The following FHIT variants were observed in gnomAD, a reference collection of about 807,000 sequenced individuals.
FHIT encodes the protein fragile histidine triad diadenosine triphosphatase.
A neutral mutation model predicts 17.9 loss-of-function variants in FHIT; 19 were observed. The observed-to-expected ratio is 1.06, with a 90% CI of 0.74 to 1.56. The LOEUF is 1.56. Among genes scored for constraint, FHIT ranks in the 40% most tolerant of loss-of-function variants. FHIT has a pLI of 0.00. For missense variants in FHIT, 248 were observed against 189.2 expected, an observed-to-expected ratio of 1.31 and a Z score of -1.82; for synonymous variants, 81 against 69.7, an observed-to-expected ratio of 1.16 and a Z score of -0.81.
intron 4 of FHIT, among the ~76,000 whole-genome samples, chr3:60,814,060 T>C (rs1701654163): frequency 6.6e-6 from 1 of 152,180 alleles, no homozygotes; most frequent in Admixed American, 6.5e-5. Flanking sequence ...TTTTTTTGAA[T>C]ATTTATTTAT....
chr3:61,084,450 A>G (rs2035243987), intron 2 of FHIT, among the ~76,000 whole-genome samples: 1 of 152,294 alleles, frequency 6.6e-6, no homozygotes, highest in South Asian at 2.1e-4. Context: ...ATTGCATGAA[A>G]TTTAGAGATC....
chr3:60,860,240 G>GGTATACATCATAT (rs1703615792), intron 3 of FHIT, among the ~76,000 whole-genome samples: 2 of 76,756 alleles, frequency 2.6e-5, no homozygotes, highest in African/African-American at 4.8e-5. Context: ...ATGTATATAT[G>GGTATACATCATAT]GTATACATGA....
intron 4 of FHIT, among the ~76,000 whole-genome samples, chr3:60,658,094 T>C (rs1202820663): frequency 6.6e-6 from 1 of 152,118 alleles, no homozygotes; most frequent in Non-Finnish European, 1.5e-5. Context: ...CAACTCTCAA[T>C]TCCTACTTCT....
Position 60,025,216 on chromosome 3 carries a change from G to C in FHIT, c.104-11064C>G, listed in dbSNP as rs573048908. ...ATTCTCCAGAAATAACTAGAGCAGA[G>C]TTTCCTAACCTGGGTCTACAGATAG... On this transcript the variant is annotated intron_variant, in intron 5 of 9. Coordinates refer to ENST00000492590, the MANE Select transcript of FHIT (RefSeq NM_002012.4). 2.0e-5 allele frequency among the ~76,000 whole-genome samples: 3 copies of C among 152,328 alleles called. No homozygotes were observed. In the East Asian group the frequency reaches 5.8e-4, roughly 29 times the overall value.
At position 60,009,207 on chromosome 3, in the gene FHIT, GTGTGTGTGTGTGTGTGTGTGTGTA is replaced by G. The variant is rs1421674376; in HGVS notation, c.279+2140_279+2163del. 1.3e-3 allele frequency among the ~76,000 whole-genome samples: 194 copies of G among 146,506 alleles called. 4 individuals are homozygous for G. The highest frequency in any genetic ancestry group is 4.6e-3 in the African/African-American group (184 of 39,862). On this transcript the variant is annotated intron_variant, in intron 7 of 9. Transcript: ENST00000492590. ...TGTGTGTGTGTGTGTGTGTGTGTGT[GTGTGTGTGTGTGTGTGTGTGTGTA>G]TGGTGGTTTTCTTATAACCACCATA...
chr3:60,125,812 C>T (rs1705521366), intron 5 of FHIT, among the ~76,000 whole-genome samples: 1 of 152,116 alleles, frequency 6.6e-6, no homozygotes, highest in South Asian at 2.1e-4. Context: ...GCAGCTAACA[C>T]ACAGTGAGTA....
intron 5 of FHIT, among the ~76,000 whole-genome samples, chr3:60,526,975 C>T (rs892721994): frequency 2.6e-5 from 4 of 152,274 alleles, no homozygotes; most frequent in South Asian, 2.1e-4. Flanking sequence ...TCTCCCTTTG[C>T]GGTTTGGGGG....
chr3:60,820,349 C>G (rs1378552107), intron 4 of FHIT, among the ~76,000 whole-genome samples: 3 of 152,038 alleles, frequency 2.0e-5, no homozygotes, highest in African/African-American at 7.2e-5. Flanking sequence ...CTAACCCAAA[C>G]AATAACAAAA....
At chr3:60,495,589 AG>A (rs1390824565) in intron 5 of FHIT, among the ~76,000 whole-genome samples, 2 of 152,054 alleles carry the variant, frequency 1.3e-5, no homozygotes, top group African/African-American at 4.8e-5. Context: ...AAGACCTAAC[AG>A]GGGGAAACCT....
intron 4 of FHIT, among the ~76,000 whole-genome samples, chr3:60,555,468 T>A (rs887844135): frequency 2.0e-5 from 3 of 152,242 alleles, no homozygotes; most frequent in African/African-American, 7.2e-5. Flanking sequence ...AACAGCATTA[T>A]CCAGGGCTCC....
intron 8 of FHIT, among the ~76,000 whole-genome samples, chr3:59,816,075 G>C (rs1334886254): frequency 3.3e-5 from 5 of 152,136 alleles, no homozygotes; most frequent in Admixed American, 2.6e-4. Flanking sequence ...ACAAAGAAAG[G>C]CCTGCCCAGG....
chr3:60,269,504 T>C (rs1471507307), intron 5 of FHIT, among the ~76,000 whole-genome samples: 8 of 152,222 alleles, frequency 5.3e-5, no homozygotes, highest in Non-Finnish European at 1.2e-4. Context: ...AAAGTTGCTT[T>C]AGCTTATCGC....
At chr3:59,867,009 A>G (rs141669460) in intron 8 of FHIT, among the ~76,000 whole-genome samples, 2 of 151,446 alleles carry the variant, frequency 1.3e-5, no homozygotes, top group East Asian at 3.9e-4. Context: ...TCTATGATAA[A>G]TAAGGGGTTC....
chr3:61,009,618 T>C (rs1268617410), intron 3 of FHIT, among the ~76,000 whole-genome samples: 1 of 152,220 alleles, frequency 6.6e-6, no homozygotes, highest in Non-Finnish European at 1.5e-5. Flanking sequence ...CTCAAAGAAG[T>C]GCTTCCTAAC....
intron 5 of FHIT, among the ~76,000 whole-genome samples, chr3:60,170,639 A>G (rs758878128): frequency 6.6e-6 from 1 of 152,140 alleles, no homozygotes; most frequent in African/African-American, 2.4e-5. Flanking sequence ...TTCCATATTC[A>G]TATCTTTTAA....
intron 8 of FHIT, among the ~76,000 whole-genome samples, chr3:59,757,426 A>G (rs964305989): frequency 6.6e-6 from 1 of 152,200 alleles, no homozygotes; most frequent in Non-Finnish European, 1.5e-5. Flanking sequence ...ATACGTGTCG[A>G]TTTTGACACT....
At chr3:60,192,480 G>A (rs541482100) in intron 5 of FHIT, among the ~76,000 whole-genome samples, 8 of 152,188 alleles carry the variant, frequency 5.3e-5, no homozygotes, top group Non-Finnish European at 1.0e-4. Flanking sequence ...AGGAGTTTCC[G>A]TTCTGTGACT....
intron 2 of FHIT, among the ~76,000 whole-genome samples, chr3:61,141,292 C>A (rs2037073781): frequency 1.3e-5 from 2 of 152,100 alleles, no homozygotes; most frequent in Admixed American, 6.6e-5. Context: ...CTTCCTTCCA[C>A]CTATTGTGGT....
At chr3:60,957,008 C>T (rs1709198112) in intron 3 of FHIT, among the ~76,000 whole-genome samples, 1 of 152,006 alleles carries the variant, frequency 6.6e-6, no homozygotes, top group Non-Finnish European at 1.5e-5. Context: ...AGTACTGCAA[C>T]AAAGCCTGGA....
Sources: gnomAD v4.1 joint callset for allele counts (sites outside exome capture counted in the v4.1 genomes callset) on GRCh38, gnomAD v4.1.1 for gene constraint, MANE v1.5 for transcripts, NCBI Gene and HGNC (gene_info 2026-07-23, HGNC 2026-07-21) for gene names.